HECW2: variants seen among roughly 807,000 people sequenced by gnomAD.
HECW2 encodes E3 ubiquitin-protein ligase HECW2.
Under a neutral mutation model 175.2 loss-of-function variants are expected in HECW2, and 61 were observed. The ratio of observed to expected loss-of-function variants is 0.35; its 90% CI spans 0.28 to 0.43. The LOEUF (loss-of-function observed/expected upper bound fraction) is 0.43. Ranked by LOEUF, HECW2 falls within the 20% of genes least tolerant of loss-of-function variation. The pLI is 1.00. For missense variants in HECW2, 1,524 were observed against 2,000.5 expected (o/e 0.76, Z 4.54); for synonymous variants, 671 against 731.0 (o/e 0.92, Z 1.32).
At chr2:196,354,124 G>A (rs1008453508) in intron 2 of HECW2, among the ~76,000 whole-genome samples, 3 of 152,228 alleles carry the variant, frequency 2.0e-5, no homozygotes, top group African/African-American at 4.8e-5. Flanking sequence ...TCAGGGCCAA[G>A]CCCCAGCTCT....
chr2:196,395,079 A>C (rs1031254124), intron 2 of HECW2, among the ~76,000 whole-genome samples: 1 of 151,856 alleles, frequency 6.6e-6, no homozygotes, highest in Non-Finnish European at 1.5e-5. Context: ...TGCCCTCATG[A>C]CCTCATCACC....
chr2:196,301,522 T>C (rs1325781460), intron 13 of HECW2, among the ~76,000 whole-genome samples: 1 of 152,126 alleles, frequency 6.6e-6, no homozygotes, highest in Non-Finnish European at 1.5e-5. Flanking sequence ...TTTATCTCTG[T>C]AACTTCGCCA....
intron 1 of HECW2, among the ~76,000 whole-genome samples, chr2:196,470,531 G>T (rs975924103): frequency 6.6e-6 from 1 of 151,966 alleles, no homozygotes; most frequent in African/African-American, 2.4e-5. Flanking sequence ...TTGGAGTTTT[G>T]TTTTGTTTTC....
chr2:196,411,130 C>A (rs916342935), intron 2 of HECW2, among the ~76,000 whole-genome samples: 1 of 152,186 alleles, frequency 6.6e-6, no homozygotes, highest in Non-Finnish European at 1.5e-5. Context: ...TCCTGAGTAG[C>A]TGGGACTACA....
intron 17 of HECW2, among the ~76,000 whole-genome samples, chr2:196,261,404 A>G (rs16848485): frequency 0.095 from 14,429 of 152,284 alleles, 981 homozygotes; most frequent in East Asian, 0.31. Flanking sequence ...GGCACATTCA[A>G]TGATATGTTT....
chr2:196,332,098 C>T (rs534898452), intron 4 of HECW2, among the ~76,000 whole-genome samples: 113 of 151,642 alleles, frequency 7.5e-4, no homozygotes, highest in African/African-American at 2.2e-3. Context: ...AGAGGTCCCC[C>T]TTTTTTTTTT....
intron 13 of HECW2, among the ~76,000 whole-genome samples, chr2:196,293,532 T>C (rs1248240168): frequency 1.3e-5 from 2 of 152,226 alleles, no homozygotes; most frequent in African/African-American, 4.8e-5. Flanking sequence ...ATGGGATTGC[T>C]GGGTCAAATG....
chr2:196,549,279 G>A (rs1463994966), intron 1 of HECW2, among the ~76,000 whole-genome samples: 2 of 152,146 alleles, frequency 1.3e-5, no homozygotes, highest in Admixed American at 6.5e-5. Flanking sequence ...ACCCCTGTAT[G>A]CGCTTTCCTG....
chr2:196,337,078 C>A (rs1165286279), intron 3 of HECW2, among the ~76,000 whole-genome samples: 1 of 152,128 alleles, frequency 6.6e-6, no homozygotes, highest in Non-Finnish European at 1.5e-5. Context: ...GAGTTTTCAT[C>A]TTTAAATGTT....
intron 2 of HECW2, chr2:196,362,227 T>G: frequency 1.0e-6 from 1 of 984,434 alleles, no homozygotes; most frequent in Non-Finnish European, 1.2e-6. Context: ...GCCACACCCC[T>G]GTAAAGGGTA....
At chr2:196,204,223 G>C (rs1298448720) in intron 28 of HECW2, among the ~76,000 whole-genome samples, 3 of 152,136 alleles carry the variant, frequency 2.0e-5, no homozygotes, top group African/African-American at 7.2e-5. Context: ...GATATACACA[G>C]AAGTGCAACA....
At chr2:196,572,452 G>C (rs533390740) in intron 1 of HECW2, among the ~76,000 whole-genome samples, 36 of 152,262 alleles carry the variant, frequency 2.4e-4, no homozygotes, top group African/African-American at 7.5e-4. Flanking sequence ...CAAAGTGCTA[G>C]GATTACAGGC....
At chr2:196,331,937 A>G (rs1006122278) in intron 4 of HECW2, among the ~76,000 whole-genome samples, 4 of 152,188 alleles carry the variant, frequency 2.6e-5, no homozygotes, top group African/African-American at 9.7e-5. Context: ...AGAAATAAGA[A>G]CGTCAACCAA....
At chr2:196,359,266 G>A in intron 2 of HECW2, among the ~76,000 whole-genome samples, 1 of 152,120 alleles carries the variant, frequency 6.6e-6, no homozygotes, top group East Asian at 1.9e-4. Context: ...TGGCCAACAT[G>A]GTGAAATCCT....
chr2:196,249,917 GT>G (rs1355830381), intron 19 of HECW2, among the ~76,000 whole-genome samples: 6 of 152,216 alleles, frequency 3.9e-5, no homozygotes, highest in Non-Finnish European at 8.8e-5. Flanking sequence ...TTTGGAAAAT[GT>G]TTAACTCTAA....
intron 1 of HECW2, among the ~76,000 whole-genome samples, chr2:196,434,540 G>A (rs1559108674): frequency 1.3e-5 from 2 of 152,220 alleles, no homozygotes; most frequent in South Asian, 2.1e-4. Flanking sequence ...GTACTTTAAC[G>A]CAGCACAACT....
At chr2:196,438,648 C>CTAA (rs1039266888) in intron 1 of HECW2, among the ~76,000 whole-genome samples, 2 of 152,206 alleles carry the variant, frequency 1.3e-5, no homozygotes, top group Non-Finnish European at 2.9e-5. Context: ...CAATAATGTG[C>CTAA]TAATAACCAA....
chr2:196,240,483 T>A lies in HECW2; in HGVS notation c.3730A>T (p.Asn1244Tyr). The change falls in exon 21 of 29, where the codon AAT becomes TAT. Residue 1244 changes from asparagine (N) to tyrosine (Y), a missense_variant. Physicochemically the swap from Asn to Tyr is moderately radical, Grantham distance 143. Around this residue, in one of 11 missense-constraint regions of HECW2, gnomAD observed 291 missense variants for 412.2 expected, o/e 0.71. Transcript: ENST00000644978. ...MGYSRKDLQRNKLYVTFVGEE... is the reference protein window; with the variant it reads ...MGYSRKDLQRYKLYVTFVGEE... The stretch of plus-strand genomic sequence containing the variant: ...CCAACGAAGGTGACATATAGCTTAT[T>A]TCTCTGCAGGTCTTTTCTGGAGTAG... The A allele has an allele frequency of 6.2e-7, 1 of 1,612,404 alleles. No homozygotes were observed. Among genetic ancestry groups the A allele is most frequent in the Non-Finnish European group, 8.5e-7 (1 of 1,179,484 alleles).
intron 1 of HECW2, among the ~76,000 whole-genome samples, chr2:196,541,503 GC>G (rs2125466732): frequency 1.3e-5 from 2 of 152,200 alleles, no homozygotes; most frequent in Admixed American, 6.5e-5. Context: ...CTTCCCAAGA[GC>G]CTTTAAGTCC....
Sources: gnomAD v4.1 joint callset for allele counts (sites outside exome capture counted in the v4.1 genomes callset) on GRCh38, gnomAD v4.1.1 for gene constraint, gnomAD v4.1.1 regional missense constraint, MANE v1.5 for transcripts, NCBI Gene and HGNC (gene_info 2026-07-23, HGNC 2026-07-21) for gene names.